FCHSD2: variants seen among roughly 807,000 people sequenced by gnomAD.
The protein encoded by FCHSD2 is FCH and double SH3 domains 2.
FCHSD2 carries 38 observed loss-of-function variants against 108.1 expected under a neutral mutation model. The ratio of observed to expected loss-of-function variants is 0.35; its 90% CI spans 0.27 to 0.46. The LOEUF (loss-of-function observed/expected upper bound fraction) is 0.46. FCHSD2 is among the 20% of genes least tolerant of loss of function. The pLI, the probability that FCHSD2 is intolerant of heterozygous loss-of-function variation, is 1.00. For missense variants in FCHSD2, 751 were observed against 897.8 expected (o/e 0.84, Z 2.09); for synonymous variants, 279 against 314.7 (o/e 0.89, Z 1.20).
In FCHSD2 at chr11:73,120,397, G is replaced by A. The variant is rs184817678; in HGVS notation, c.119+19634C>T. Among the ~76,000 whole-genome samples, 216 of 152,316 alleles carry A rather than the reference G, an allele frequency of 1.4e-3. 3 individuals are homozygous for A. Among genetic ancestry groups the A allele is most frequent in the Admixed American group, 0.013 (198 of 15,290 alleles). ...TTGGCCAACAATGTCTCATTTGGTAGCAAACATTTCTTCAGTAAGTGTATA... is the reference window on the plus strand; with the variant it reads ...TTGGCCAACAATGTCTCATTTGGTAACAAACATTTCTTCAGTAAGTGTATA... On this transcript the variant is annotated intron_variant, in intron 2 of 19. Coordinates refer to ENST00000409418, the MANE Select transcript of FCHSD2 (RefSeq NM_014824.3).
At chr11:72,925,480 C>T (rs943570603) in intron 8 of FCHSD2, among the ~76,000 whole-genome samples, 2 of 152,070 alleles carry the variant, frequency 1.3e-5, no homozygotes, top group African/African-American at 2.4e-5. Flanking sequence ...GATCTATGAT[C>T]GTGCCACTGC....
At chr11:72,940,039 G>A (rs1856384043) in intron 8 of FCHSD2, among the ~76,000 whole-genome samples, 1 of 152,158 alleles carries the variant, frequency 6.6e-6, no homozygotes, top group South Asian at 2.1e-4. Flanking sequence ...CAGTGTTACA[G>A]CCTGTATAGA....
At chr11:72,962,380 A>G (rs980045698) in intron 8 of FCHSD2, among the ~76,000 whole-genome samples, 2 of 152,232 alleles carry the variant, frequency 1.3e-5, no homozygotes, top group Non-Finnish European at 2.9e-5. Flanking sequence ...TTAAATACCA[A>G]TAAGTATAAC....
intron 3 of FCHSD2, among the ~76,000 whole-genome samples, chr11:73,045,766 T>G (rs1354733775): frequency 1.3e-5 from 2 of 148,784 alleles, no homozygotes; most frequent in African/African-American, 5.0e-5. Context: ...TGGGGACTGT[T>G]GTGGGGTGGG....
At chr11:73,120,733 A>AAAT (rs1860713424) in intron 2 of FCHSD2, among the ~76,000 whole-genome samples, 2 of 152,094 alleles carry the variant, frequency 1.3e-5, no homozygotes, top group South Asian at 4.2e-4. Context: ...GTGTCTAAAA[A>AAAT]AATAATAATA....
chr11:73,053,839 T>A (rs906430395), intron 3 of FCHSD2, among the ~76,000 whole-genome samples: 4 of 152,208 alleles, frequency 2.6e-5, no homozygotes, highest in Non-Finnish European at 5.9e-5. Context: ...TTATGGTTCT[T>A]CTAATTGTTT....
intron 8 of FCHSD2, among the ~76,000 whole-genome samples, chr11:72,944,999 C>T (rs947162690): frequency 6.6e-6 from 1 of 152,156 alleles, no homozygotes; most frequent in Non-Finnish European, 1.5e-5. Context: ...AGATTCAATG[C>T]CATCCTCATC....
At chr11:72,915,982 C>T (rs1014914633) in intron 9 of FCHSD2, among the ~76,000 whole-genome samples, 4 of 152,086 alleles carry the variant, frequency 2.6e-5, no homozygotes, top group African/African-American at 9.7e-5. Context: ...AAGCAAATAC[C>T]ACATGTTCTC....
At chr11:72,914,962 AATTTT>A (rs1359147642) in intron 9 of FCHSD2, among the ~76,000 whole-genome samples, 1 of 41,920 alleles carries the variant, frequency 2.4e-5, no homozygotes, top group Non-Finnish European at 4.0e-5. Flanking sequence ...ACAGAATGGG[AATTTT>A]TTTTTTTTTT....
intron 12 of FCHSD2, among the ~76,000 whole-genome samples, chr11:72,870,291 T>C (rs1854825350): frequency 6.6e-6 from 1 of 152,230 alleles, no homozygotes; most frequent in South Asian, 2.1e-4. Context: ...TATACTTAGC[T>C]ATTTAACTAA....
intron 3 of FCHSD2, among the ~76,000 whole-genome samples, chr11:73,067,945 A>T (rs1386875301): frequency 6.6e-6 from 1 of 152,200 alleles, no homozygotes; most frequent in Non-Finnish European, 1.5e-5. Context: ...AGGCCTCACA[A>T]TCATGGCAGA....
At chr11:73,011,815 C>G (rs1375633891) in intron 4 of FCHSD2, among the ~76,000 whole-genome samples, 2 of 152,146 alleles carry the variant, frequency 1.3e-5, no homozygotes, top group East Asian at 1.9e-4. Context: ...TTTCCCTTTC[C>G]TTTTTAACTT....
At chr11:72,889,983 A>G in intron 10 of FCHSD2, 38 bp from the exon 11 acceptor site, 1 of 1,308,782 alleles carries the variant, frequency 7.6e-7, no homozygotes, top group Non-Finnish European at 1.1e-6. Flanking sequence ...AAATATTGCT[A>G]TCCTTATTGT....
intron 11 of FCHSD2, among the ~76,000 whole-genome samples, chr11:72,889,040 C>T (rs1367137071): frequency 6.6e-6 from 1 of 152,134 alleles, no homozygotes; most frequent in East Asian, 1.9e-4. Context: ...CTGCAAGCTC[C>T]GCCTCCCAGG....
intron 2 of FCHSD2, among the ~76,000 whole-genome samples, chr11:73,139,419 T>A (rs1379800832): frequency 6.6e-6 from 1 of 152,248 alleles, no homozygotes; most frequent in Non-Finnish European, 1.5e-5. Context: ...TGGTATTTCT[T>A]TCATTAAAAT....
chr11:72,921,072 A>AC (rs1855968442), intron 9 of FCHSD2, among the ~76,000 whole-genome samples: 1 of 149,604 alleles, frequency 6.7e-6, no homozygotes. Context: ...ACTCTCCCTG[A>AC]CAAAAAAAAA....
At chr11:73,026,323 T>C (rs1394831269) in intron 3 of FCHSD2, among the ~76,000 whole-genome samples, 5 of 152,178 alleles carry the variant, frequency 3.3e-5, no homozygotes, top group African/African-American at 1.2e-4. Context: ...TAGTTCATAG[T>C]ATACTGGATT....
At chr11:73,099,967 G>A (rs1052424335) in intron 2 of FCHSD2, among the ~76,000 whole-genome samples, 2 of 152,222 alleles carry the variant, frequency 1.3e-5, no homozygotes, top group African/African-American at 4.8e-5. Flanking sequence ...CCCAGAAGAT[G>A]TGCCGTTTGT....
chr11:73,133,378 CTGA>C (rs914115477), intron 2 of FCHSD2, among the ~76,000 whole-genome samples: 4 of 152,124 alleles, frequency 2.6e-5, no homozygotes, highest in Non-Finnish European at 5.9e-5. Flanking sequence ...TCTCTGTCAA[CTGA>C]TGAAGGGATT....
Sources: allele counts gnomAD v4.1 joint callset (sites outside exome capture counted in the v4.1 genomes callset), GRCh38; gene constraint gnomAD v4.1.1; transcripts MANE v1.5; gene names NCBI Gene and HGNC (gene_info 2026-07-23, HGNC 2026-07-21).